The following ADCY8 variants were observed in gnomAD, a reference collection of about 807,000 sequenced individuals.
ADCY8 encodes the protein adenylate cyclase type 8.
A neutral mutation model predicts 119.7 loss-of-function variants in ADCY8; 51 were observed. The ratio of observed to expected loss-of-function variants is 0.43; its 90% CI spans 0.34 to 0.54. The LOEUF is 0.54. Ranked by LOEUF, ADCY8 falls within the 20% of genes least tolerant of loss-of-function variation. ADCY8 has a pLI of 0.03. For missense variants in ADCY8, 1,383 were observed against 1,598.8 expected, an observed-to-expected ratio of 0.87 and a Z score of 2.30; for synonymous variants, 665 against 651.0, an observed-to-expected ratio of 1.02 and a Z score of -0.33.
intron 1 of ADCY8, among the ~76,000 whole-genome samples, chr8:131,030,710 G>C (rs538277981): frequency 6.6e-6 from 1 of 152,168 alleles, no homozygotes. Flanking sequence ...AACCCAGCAG[G>C]CAGTCAACAA....
intron 7 of ADCY8, among the ~76,000 whole-genome samples, chr8:130,898,001 A>G (rs1819465478): frequency 6.6e-6 from 1 of 151,238 alleles, no homozygotes; most frequent in African/African-American, 2.4e-5. Context: ...CACAACACAC[A>G]TAAATACTCA....
chr8:130,870,747 T>G (rs1818324579), intron 8 of ADCY8, among the ~76,000 whole-genome samples: 1 of 152,214 alleles, frequency 6.6e-6, no homozygotes, highest in South Asian at 2.1e-4. Flanking sequence ...TCATCATTTG[T>G]CCAGACTAAA....
intron 5 of ADCY8, among the ~76,000 whole-genome samples, chr8:130,924,434 G>T (rs889772255): frequency 1.3e-5 from 2 of 152,278 alleles, no homozygotes; most frequent in Middle Eastern, 6.8e-3. Context: ...ATGAAATGGG[G>T]GTTGCTAGGT....
At chr8:131,037,157 T>C (rs998633882) in intron 1 of ADCY8, among the ~76,000 whole-genome samples, 3 of 152,150 alleles carry the variant, frequency 2.0e-5, no homozygotes, top group Non-Finnish European at 4.4e-5. Context: ...CTGGTTGTTC[T>C]TTTAGAGTTT....
At chr8:130,966,414 T>G (rs1387727826) in intron 2 of ADCY8, among the ~76,000 whole-genome samples, 2 of 152,074 alleles carry the variant, frequency 1.3e-5, no homozygotes, top group Non-Finnish European at 2.9e-5. Context: ...GGGGTCACTG[T>G]TAAGAGTGGG....
chr8:130,937,663 T>C (rs1820828767), intron 4 of ADCY8, among the ~76,000 whole-genome samples: 1 of 152,224 alleles, frequency 6.6e-6, no homozygotes, highest in African/African-American at 2.4e-5. Context: ...ACTTCAACTC[T>C]ATAAAGTTCC....
At chr8:130,934,015 C>A (rs544389931) in intron 5 of ADCY8, among the ~76,000 whole-genome samples, 14 of 152,304 alleles carry the variant, frequency 9.2e-5, no homozygotes, top group African/African-American at 3.4e-4. Context: ...CACCCATGTA[C>A]AAAGACCTCC....
chr8:130,962,869 G>C (rs966592343), intron 2 of ADCY8, among the ~76,000 whole-genome samples: 1 of 152,172 alleles, frequency 6.6e-6, no homozygotes, highest in South Asian at 2.1e-4. Context: ...ACTGGGGAGA[G>C]ACTTGTTCTG....
At chr8:130,800,224 T>G (rs572504158) in intron 15 of ADCY8, among the ~76,000 whole-genome samples, 2 of 151,638 alleles carry the variant, frequency 1.3e-5, no homozygotes, top group African/African-American at 4.8e-5. Flanking sequence ...ATATTCCTGA[T>G]CCCCCAAATA....
intron 8 of ADCY8, among the ~76,000 whole-genome samples, chr8:130,874,435 T>G (rs1818485830): frequency 6.6e-6 from 1 of 152,170 alleles, no homozygotes; most frequent in Admixed American, 6.5e-5. Flanking sequence ...TAGGCCATCT[T>G]CTCTATCTTG....
rs10572208 is a variant in ADCY8, at chr8:130,926,940, C to CATATATATATATATATATATATATAT, written c.1481+10132_1481+10133insATATATATATATATATATATATATAT. On this transcript the variant is annotated intron_variant, in intron 5 of 17. Coordinates refer to ENST00000286355, the MANE Select transcript of ADCY8 (RefSeq NM_001115.3). ...TTTATGGTGTAATAGTATTCCATTA[C>CATATATATATATATATATATATATAT]ATATATATATATATATATATACACA... Among the ~76,000 whole-genome samples the CATATATATATATATATATATATATAT allele has an allele frequency of 1.6e-3, 232 of 144,932 alleles. 5 individuals are homozygous for CATATATATATATATATATATATATAT. The highest frequency in any genetic ancestry group is 5.8e-3 in the African/African-American group (220 of 37,988).
At position 130,916,335 on chromosome 8, in the gene ADCY8, C is replaced by A. The variant is rs542522279; in HGVS notation, c.1482-6469G>T. On this transcript the variant is annotated intron_variant, in intron 5 of 17. Transcript: ENST00000286355. ...TATAGATCTGAGTTTGCTGAGGGTA[C>A]TTCAGGAGTCATTGTGGGGTAGGGA... Among the ~76,000 whole-genome samples the A allele has an allele frequency of 5.1e-4, 78 of 152,320 alleles. 1 individual carries two copies. The highest frequency in any genetic ancestry group is 1.5e-3 in the Admixed American group (23 of 15,294).
At chr8:130,965,432 C>T (rs1821732700) in intron 2 of ADCY8, among the ~76,000 whole-genome samples, 1 of 152,154 alleles carries the variant, frequency 6.6e-6, no homozygotes, top group Non-Finnish European at 1.5e-5. Context: ...CTCAGCATCA[C>T]ATGATATACC....
At position 130,921,444 on chromosome 8, in the gene ADCY8, C is replaced by CCTTTTTTT; in HGVS notation, c.1482-11579_1482-11578insAAAAAAAG. ...TTAATGGTTATCCATTTTTCTTTTT[C>CCTTTTTTT]TTTTCTTTTTTTTTTTTTTTTTTGA... is the stretch of plus-strand genomic sequence containing the variant. On this transcript the variant is annotated intron_variant, in intron 5 of 17. Transcript: ENST00000286355. 1.5e-5 allele frequency among the ~76,000 whole-genome samples: 2 copies of CCTTTTTTT among 132,564 alleles called. 1 individual carries two copies. 87.0% of individuals were successfully genotyped at this position (132,564 alleles called of 152,430 possible). A position where few individuals can be genotyped will look rare whatever the true frequency, so the allele number is the denominator to read the frequency against.
Position 130,963,066 on chromosome 8 carries a change from C to T in ADCY8, c.1111-11068G>A, listed in dbSNP as rs1049022399. The stretch of plus-strand genomic sequence containing the variant: ...AAGTAAATCAGGCAACTCAGAGTCA[C>T]GCATTTGGTAAGTGCGTAGTGAAGA... On this transcript the variant is annotated intron_variant, in intron 2 of 17. Coordinates refer to ENST00000286355, the MANE Select transcript of ADCY8 (RefSeq NM_001115.3). Among the ~76,000 whole-genome samples the T allele has an allele frequency of 2.0e-5, 3 of 151,164 alleles. No individual in the cohort carries two copies. In the East Asian group the frequency reaches 5.8e-4, roughly 29 times the overall value.
At chr8:130,882,456 T>C (rs1818812782) in intron 8 of ADCY8, among the ~76,000 whole-genome samples, 1 of 152,100 alleles carries the variant, frequency 6.6e-6, no homozygotes, top group South Asian at 2.1e-4. Context: ...ATCCAAAGTT[T>C]GACAAAAGGA....
At chr8:130,899,608 T>TA (rs60734293) in intron 7 of ADCY8, among the ~76,000 whole-genome samples, 321 of 122,926 alleles carry the variant, frequency 2.6e-3, no homozygotes, top group Middle Eastern at 4.3e-3. Flanking sequence ...TCCATCTCAA[T>TA]AAAAAAAAAA....
chr8:131,001,349 C>T (rs988078136), intron 1 of ADCY8, among the ~76,000 whole-genome samples: 8 of 151,968 alleles, frequency 5.3e-5, no homozygotes, highest in Non-Finnish European at 1.2e-4. Context: ...TTTGCACCTG[C>T]CAGATGCTGG....
At position 130,952,081 on chromosome 8, in the gene ADCY8, G is replaced by C. The variant is rs1203651888; in HGVS notation, c.1111-83C>G. ...GGGTGGAGGGTGGAGAAGTCATGGGGCTTTTGGATGAACTCCCTTTGGGAT... is the reference window on the plus strand; with the variant it reads ...GGGTGGAGGGTGGAGAAGTCATGGGCCTTTTGGATGAACTCCCTTTGGGAT... On this transcript the variant is annotated intron_variant, in intron 2 of 17. Coordinates refer to ENST00000286355, the MANE Select transcript of ADCY8 (RefSeq NM_001115.3). 5 of 1,510,380 alleles carry C rather than the reference G, an allele frequency of 3.3e-6. No homozygotes were observed. The East Asian group carries it at 1.1e-4, about 34-fold the overall frequency. 93.6% of individuals were successfully genotyped at this position (1,510,380 alleles called of 1,614,324 possible).
Sources: allele counts gnomAD v4.1 joint callset (sites outside exome capture counted in the v4.1 genomes callset), GRCh38; gene constraint gnomAD v4.1.1; transcripts MANE v1.5; gene names NCBI Gene and HGNC (gene_info 2026-07-23, HGNC 2026-07-21).